Variants in LAMA4 observed in about 807,000 individuals in gnomAD.
LAMA4 encodes the protein laminin subunit alpha-4.
A neutral mutation model predicts 207.1 loss-of-function variants in LAMA4; 127 were observed. That is an observed-to-expected ratio of 0.61 (90% CI 0.53 to 0.71). The LOEUF is 0.71. LAMA4 is among the 30% of genes least tolerant of loss of function. The probability of loss-of-function intolerance (pLI) is 0.00; values close to 1 mark genes in which losing one functional copy is unlikely to be tolerated. For missense variants in LAMA4, 2,093 were observed against 2,246.5 expected (o/e 0.93, Z 1.38); for synonymous variants, 761 against 816.0 (o/e 0.93, Z 1.15).
At chr6:112,126,834 C>A (rs1295095766) in intron 31 of LAMA4, among the ~76,000 whole-genome samples, 3 of 152,188 alleles carry the variant, frequency 2.0e-5, no homozygotes, top group Admixed American at 2.0e-4. Context: ...TGATTATATT[C>A]ATTGTTGACA....
intron 17 of LAMA4, among the ~76,000 whole-genome samples, chr6:112,149,582 G>T (rs150237147): frequency 5.9e-5 from 9 of 152,204 alleles, no homozygotes; most frequent in African/African-American, 2.2e-4. Flanking sequence ...GGTGCTTTCT[G>T]CCATGACTGT....
intron 31 of LAMA4, among the ~76,000 whole-genome samples, chr6:112,127,501 G>A (rs1258103421): frequency 2.6e-5 from 4 of 151,970 alleles, no homozygotes; most frequent in African/African-American, 9.7e-5. Flanking sequence ...TAGTTGGGAG[G>A]CCAGTATGGG....
chr6:112,112,670 G>A (rs981281848), intron 38 of LAMA4, among the ~76,000 whole-genome samples: 8 of 152,222 alleles, frequency 5.3e-5, no homozygotes, highest in Non-Finnish European at 7.3e-5. Context: ...CAAAGGAGAA[G>A]AGTTGCTTTG....
chr6:112,172,822 T>C lies in LAMA4; in HGVS notation c.1358-18A>G. On this transcript the variant is annotated intron_variant, in intron 11 of 38. Transcript: ENST00000230538. ...GCTCAGTACTGGGAAGAAATGGAGATAAAGGCTCAGTGTGGCTTTCTCCTG... is the reference window on the plus strand; with the variant it reads ...GCTCAGTACTGGGAAGAAATGGAGACAAAGGCTCAGTGTGGCTTTCTCCTG... The C allele has an allele frequency of 1.2e-6, 2 of 1,609,250 alleles. No homozygotes were observed. Among genetic ancestry groups the C allele is most frequent in the South Asian group, 1.1e-5 (1 of 90,740 alleles).
rs781998347 is a variant in LAMA4, at chr6:112,142,080, T to C, written c.2667+39A>G. On this transcript the variant is annotated intron_variant, in intron 20 of 38. Transcript: ENST00000230538. ...AGGCAAGAGAAAAAGCAGCTTTCCT[T>C]GTAAATATTATTCCCTCCTTTCAAA... 4.3e-6 allele frequency: 7 copies of C among 1,610,508 alleles called. No homozygotes were observed. The South Asian group carries it at 6.6e-5, about 15-fold the overall frequency.
chr6:112,109,745 T>G (rs932389839), intron 38 of LAMA4, among the ~76,000 whole-genome samples, 163 bp from the exon 39 acceptor site: 46 of 142,502 alleles, frequency 3.2e-4, no homozygotes, highest in African/African-American at 1.4e-3. Flanking sequence ...TAACATTATT[T>G]GCTTGTGAAG....
Position 112,139,205 on chromosome 6 carries a change from C to T in LAMA4, c.3197G>A (p.Arg1066Lys). The T allele has an allele frequency of 1.2e-6, 2 of 1,614,200 alleles. No homozygotes were observed. The highest frequency in any genetic ancestry group is 2.2e-5 in the East Asian group (1 of 44,884). The change falls in exon 24 of 39, where the codon AGA (arginine) becomes AAA (lysine). Residue 1066 changes from arginine to lysine, a missense_variant. Physicochemically the swap from Arg to Lys is conservative, Grantham distance 26 (BLOSUM62 2). Transcript: ENST00000230538. ...GYAVVRDITR[R>K]GKFGQVTRFD... ...GCGAGTCACCTGACCAAATTTCCCT[C>T]TCCTTGTGATGTCTCTCACCACGGC...
intron 36 of LAMA4, 25 bp downstream of exon 36, chr6:112,115,838 T>C: frequency 6.2e-7 from 1 of 1,609,976 alleles, no homozygotes; most frequent in East Asian, 2.2e-5. Flanking sequence ...ATGAGACAAA[T>C]TGTTAAACAT....
At chr6:112,242,721 CCAA>C (rs1167780705) in intron 2 of LAMA4, among the ~76,000 whole-genome samples, 4 of 152,168 alleles carry the variant, frequency 2.6e-5, no homozygotes, top group Non-Finnish European at 5.9e-5. Flanking sequence ...CCCTCACACA[CCAA>C]CAATTCTGAC....
intron 26 of LAMA4, 33 bp from the exon 27 acceptor site, chr6:112,133,520 CATG>C: frequency 2.5e-6 from 4 of 1,612,810 alleles, no homozygotes; most frequent in Non-Finnish European, 2.5e-6. Context: ...CTGATACAGC[CATG>C]ATGATGATGT....
intron 5 of LAMA4, among the ~76,000 whole-genome samples, chr6:112,197,654 T>G (rs1344515464): frequency 2.6e-5 from 4 of 152,228 alleles, no homozygotes; most frequent in African/African-American, 9.6e-5. Context: ...CAATAATTGA[T>G]GTTGTCTTAT....
At chr6:112,166,158 C>G (rs1245101061) in intron 12 of LAMA4, 4 of 152,062 alleles carry the variant, frequency 2.6e-5, no homozygotes, top group Admixed American at 6.6e-5. Flanking sequence ...TACTTTAAAG[C>G]TTTTTAAGTT....
chr6:112,149,069 A>G (rs1780209747), intron 17 of LAMA4, among the ~76,000 whole-genome samples: 1 of 143,488 alleles, frequency 7.0e-6, no homozygotes, highest in East Asian at 2.0e-4. Flanking sequence ...AAACAATTAT[A>G]AATTTGAAGT....
rs148514502 is a variant in LAMA4, at chr6:112,229,477, A to C, written c.196-13008T>G. ...CAACTCTTTGAAGTCATCTCTTGCA[A>C]GATAATTGTTCTTTGTTGAAATGGA... On this transcript the variant is annotated intron_variant, in intron 2 of 38. Coordinates refer to ENST00000230538, the MANE Select transcript of LAMA4 (RefSeq NM_001105206.3). Among the ~76,000 whole-genome samples the C allele has an allele frequency of 5.0e-3, 766 of 152,340 alleles. 10 individuals are homozygous for C. The highest frequency in any genetic ancestry group is 0.017 in the African/African-American group (725 of 41,568).
At chr6:112,240,722 C>A (rs1340292148) in intron 2 of LAMA4, among the ~76,000 whole-genome samples, 1 of 152,100 alleles carries the variant, frequency 6.6e-6, no homozygotes, top group African/African-American at 2.4e-5. Context: ...ATGGCTGGAT[C>A]TCATTTTTTT....
At chr6:112,152,467 GATGTAATTAC>G (rs1365307742) in intron 16 of LAMA4, among the ~76,000 whole-genome samples, 1 of 152,192 alleles carries the variant, frequency 6.6e-6, no homozygotes, top group East Asian at 1.9e-4. Flanking sequence ...AACAGATCAT[GATGTAATTAC>G]CTCATCATCT....
At chr6:112,175,162 G>T in intron 11 of LAMA4, 151 bp downstream of exon 11, 1 of 784,092 alleles carries the variant, frequency 1.3e-6, no homozygotes, top group Non-Finnish European at 2.2e-6. Context: ...TGTCCTGAAT[G>T]ATTCCCTGTG....
Position 112,254,136 on chromosome 6 carries a change from T to C in LAMA4, c.15A>G (p.Ser5=), listed in dbSNP as rs1042919525. 5 of 1,612,892 alleles carry C rather than the reference T, an allele frequency of 3.1e-6. No individual in the cohort carries two copies. The highest frequency in any genetic ancestry group is 1.3e-5 in the African/African-American group (1 of 75,064). Residue 5 remains serine (S), a synonymous_variant, in exon 2 of 39, where the codon TCA becomes TCG. Transcript: ENST00000230538. ...ACAGAGGCAGAACCGAGCGCCAGGC[T>C]GAGCTCAAAGCCATTTCTCCGCTGA... MALS[S]AWRSVLPLWL...
chr6:112,246,065 C>G (rs1786898277), intron 2 of LAMA4, among the ~76,000 whole-genome samples: 1 of 152,068 alleles, frequency 6.6e-6, no homozygotes, highest in African/African-American at 2.4e-5. Context: ...TGATGGGAAA[C>G]TTAAGTTGGA....
Sources: allele counts gnomAD v4.1 joint callset (sites outside exome capture counted in the v4.1 genomes callset), GRCh38; gene constraint gnomAD v4.1.1; transcripts MANE v1.5; gene names NCBI Gene and HGNC (gene_info 2026-07-23, HGNC 2026-07-21).